SIPA1L3: variants seen among roughly 807,000 people sequenced by gnomAD.
SIPA1L3 encodes signal induced proliferation associated 1 like 3, also known as signal-induced proliferation-associated 1-like protein 3.
SIPA1L3 carries 59 observed loss-of-function variants against 150.1 expected under a neutral mutation model. The ratio of observed to expected loss-of-function variants is 0.39; its 90% CI spans 0.32 to 0.49. The LOEUF (loss-of-function observed/expected upper bound fraction) is 0.49, where lower values mean the gene tolerates loss of function less well. SIPA1L3 is among the 20% of genes least tolerant of loss of function. The pLI is 0.86. For missense variants in SIPA1L3, 2,211 were observed against 2,489.5 expected (o/e 0.89, Z 2.38); for synonymous variants, 1,070 against 1,077.6 (o/e 0.99, Z 0.14).
chr19:38,191,413 C>G (rs1042688532), intron 16 of SIPA1L3, among the ~76,000 whole-genome samples: 1 of 149,020 alleles, frequency 6.7e-6, no homozygotes, highest in Middle Eastern at 3.2e-3. Flanking sequence ...AAAAAAAAAA[C>G]CAAAAAGCAA....
At position 38,128,692 on chromosome 19, in the gene SIPA1L3, T is replaced by C. The variant is rs548051060; in HGVS notation, c.2869-1806T>C. On this transcript the variant is annotated intron_variant, in intron 9 of 21. Coordinates refer to ENST00000222345, the MANE Select transcript of SIPA1L3 (RefSeq NM_015073.3). ...CAGGTGAATCACTTGAGGTCAGGAG[T>C]TCGAGACCAGCCTGGCCAACATGGT... Among the ~76,000 whole-genome samples the C allele has an allele frequency of 1.2e-3, 187 of 151,744 alleles. 1 individual carries two copies. The highest frequency in any genetic ancestry group is 4.3e-3 in the African/African-American group (176 of 41,366).
chr19:37,951,943 C>T (rs2046768735), intron 1 of SIPA1L3, among the ~76,000 whole-genome samples: 1 of 148,932 alleles, frequency 6.7e-6, no homozygotes, highest in African/African-American at 2.5e-5. Context: ...ATGTCCTGGT[C>T]TACCTGGTTT....
intron 15 of SIPA1L3, among the ~76,000 whole-genome samples, chr19:38,177,065 A>C (rs1972451174): frequency 6.6e-6 from 1 of 152,034 alleles, no homozygotes; most frequent in Admixed American, 6.6e-5. Flanking sequence ...CTTTTTAAAA[A>C]TTCTAGTTTA....
At chr19:38,118,512 G>T (rs1275801258) in intron 8 of SIPA1L3, among the ~76,000 whole-genome samples, 1 of 151,806 alleles carries the variant, frequency 6.6e-6, no homozygotes, top group Admixed American at 6.6e-5. Flanking sequence ...TCAGACATCT[G>T]CTTTATAGAA....
At chr19:37,974,529 AG>A (rs1237068096) in intron 1 of SIPA1L3, among the ~76,000 whole-genome samples, 6 of 148,348 alleles carry the variant, frequency 4.0e-5, no homozygotes, top group African/African-American at 7.6e-5. Flanking sequence ...AAAAAAAAAA[AG>A]TATTGATTCA....
At chr19:38,006,926 G>C (rs1337716496) in intron 1 of SIPA1L3, among the ~76,000 whole-genome samples, 1 of 152,202 alleles carries the variant, frequency 6.6e-6, no homozygotes, top group Non-Finnish European at 1.5e-5. Context: ...GGCACTAGAG[G>C]AATCAGTCGG....
intron 10 of SIPA1L3, among the ~76,000 whole-genome samples, chr19:38,137,462 T>C (rs1971460720): frequency 6.7e-6 from 1 of 150,308 alleles, no homozygotes; most frequent in African/African-American, 2.5e-5. Context: ...GTGCTGGGAT[T>C]ACAGATGTGA....
rs535525061 is a variant in SIPA1L3, at chr19:38,144,074, A to G, written c.3533+1364A>G. Among the ~76,000 whole-genome samples the G allele has an allele frequency of 2.0e-3, 298 of 152,156 alleles. 2 individuals carry two copies. The highest frequency in any genetic ancestry group is 6.8e-3 in the African/African-American group (283 of 41,510). On this transcript the variant is annotated intron_variant, in intron 12 of 21. Transcript: ENST00000222345. Reference sequence around the variant, plus strand: ...TGAATATGCTTCACACTCCTCGCCCACACTCCCCCCATCCTACCAACTCAA... The same window carrying G: ...TGAATATGCTTCACACTCCTCGCCCGCACTCCCCCCATCCTACCAACTCAA...
intron 1 of SIPA1L3, among the ~76,000 whole-genome samples, chr19:37,926,298 G>T (rs1263509617): frequency 6.6e-6 from 1 of 152,152 alleles, no homozygotes; most frequent in Non-Finnish European, 1.5e-5. Context: ...CCTACTTGTG[G>T]CCTCAAACCA....
rs1190701805 is a variant in SIPA1L3, at chr19:38,046,581, T to G, written c.-311+17425T>G. On this transcript the variant is annotated intron_variant, in intron 2 of 21. Coordinates refer to ENST00000222345, the MANE Select transcript of SIPA1L3 (RefSeq NM_015073.3). This position sits in a 1 kb window ranked among gnomAD's most constrained non-coding sequence, Gnocchi z 5.6. The stretch of plus-strand genomic sequence containing the variant: ...GGGCATGGCACAGGAAATGACTCCT[T>G]CATAGGCTGAGAGTTTTGGGAGGCC... Among the ~76,000 whole-genome samples the G allele has an allele frequency of 1.3e-5, 2 of 152,096 alleles. No homozygotes were observed. The highest frequency in any genetic ancestry group is 4.8e-5 in the African/African-American group (2 of 41,412).
intron 3 of SIPA1L3, among the ~76,000 whole-genome samples, chr19:38,086,068 T>C (rs1343873400): frequency 6.6e-6 from 1 of 151,528 alleles, no homozygotes; most frequent in East Asian, 1.9e-4. Context: ...GCGGGAGAAG[T>C]GCACAGATTA....
chr19:38,003,033 C>T (rs1967846729), intron 1 of SIPA1L3, among the ~76,000 whole-genome samples: 1 of 152,038 alleles, frequency 6.6e-6, no homozygotes, highest in Non-Finnish European at 1.5e-5. Context: ...GTAGTCTCAG[C>T]TACTCGGGAA....
chr19:37,959,889 A>T lies in SIPA1L3; in HGVS notation c.-379+52531A>T, dbSNP rs1175304945. 4.0e-5 allele frequency among the ~76,000 whole-genome samples: 6 copies of T among 149,958 alleles called. No homozygotes were observed. In the East Asian group the frequency reaches 1.2e-3, roughly 29 times the overall value. On this transcript the variant is annotated intron_variant, in intron 1 of 21. Transcript: ENST00000222345. ...CTAAATTTATCACAGCCTACTTCAG[A>T]TTAATATTAAAACTTAGTTCTAGTT... is the stretch of plus-strand genomic sequence containing the variant.
At chr19:38,083,140 G>C in intron 3 of SIPA1L3, 41 bp downstream of exon 3, 1 of 1,557,274 alleles carries the variant, frequency 6.4e-7, no homozygotes, top group Non-Finnish European at 8.7e-7. Context: ...GGTGGGCCGA[G>C]GCTTGCCTCC....
At chr19:37,995,535 G>C (rs1335029819) in intron 1 of SIPA1L3, among the ~76,000 whole-genome samples, 1 of 152,190 alleles carries the variant, frequency 6.6e-6, no homozygotes, top group East Asian at 1.9e-4. Flanking sequence ...GGGGAACACA[G>C]GAAAGAGAAA....
chr19:38,108,656 TC>T (rs1328650183), intron 7 of SIPA1L3: 24 of 152,248 alleles, frequency 1.6e-4, no homozygotes, highest in African/African-American at 5.8e-4. Context: ...ATTGGCAGAT[TC>T]TTTAACAGCT....
At chr19:38,135,151 G>T (rs187694022) in intron 10 of SIPA1L3, among the ~76,000 whole-genome samples, 14 of 152,276 alleles carry the variant, frequency 9.2e-5, no homozygotes, top group Admixed American at 5.9e-4. Context: ...AAGCCATCAC[G>T]AGCTATTAAT....
intron 8 of SIPA1L3, among the ~76,000 whole-genome samples, chr19:38,110,928 G>T (rs2145877277): frequency 6.9e-6 from 1 of 145,364 alleles, no homozygotes; most frequent in South Asian, 2.2e-4. Flanking sequence ...AGAGGCACGA[G>T]TGATGGCCCA....
chr19:38,120,874 G>A lies in SIPA1L3; in HGVS notation c.2868+992G>A, dbSNP rs74921874. Among the ~76,000 whole-genome samples, 448 of 152,342 alleles carry A rather than the reference G, an allele frequency of 2.9e-3. 2 individuals are homozygous for A. The highest frequency in any genetic ancestry group is 1.0e-2 in the African/African-American group (415 of 41,568). ...TCTGCAGTGGGTTTGGCAGAACGCC[G>A]TGCCATGTGTGCTAAATAGAGATAG... On this transcript the variant is annotated intron_variant, in intron 9 of 21. Transcript: ENST00000222345.
Sources: allele counts gnomAD v4.1 joint callset (sites outside exome capture counted in the v4.1 genomes callset), GRCh38; gene constraint gnomAD v4.1.1; non-coding constraint Gnocchi (gnomAD v3.1); transcripts MANE v1.5; gene names NCBI Gene and HGNC (gene_info 2026-07-23, HGNC 2026-07-21).